Variants in IPO5 observed in about 807,000 individuals in gnomAD.
IPO5 encodes the protein importin 5.
A neutral mutation model predicts 143.3 loss-of-function variants in IPO5; 18 were observed. The ratio of observed to expected loss-of-function variants is 0.13; its 90% confidence interval spans 0.09 to 0.19. The LOEUF (loss-of-function observed/expected upper bound fraction) is 0.19, where lower values mean the gene tolerates loss of function less well. Ranked by LOEUF, IPO5 falls within the 10% of genes least tolerant of loss-of-function variation. IPO5 has a pLI of 1.00. For synonymous variants in IPO5, 477 were observed against 465.7 expected, an observed-to-expected ratio of 1.02 and a Z score of -0.31; for missense variants, 1,013 against 1,336.9, an observed-to-expected ratio of 0.76 and a Z score of 3.78.
Position 98,021,751 on chromosome 13 carries a change from T to A in IPO5, c.3223T>A (p.Trp1075Arg). 1 of 1,569,536 alleles carries A rather than the reference T, an allele frequency of 6.4e-7. No individual in the cohort carries two copies. Among genetic ancestry groups the A allele is most frequent in the Non-Finnish European group, 8.7e-7 (1 of 1,147,696 alleles). The change falls in exon 29 of 29, where the codon TGG becomes AGG. Residue 1075 changes from tryptophan (W) to arginine (R), a missense_variant. By Grantham distance (101) the Trp-to-Arg change is moderately radical (BLOSUM62 -3). This residue lies in a region of IPO5 where 685 missense variants were observed against 994.9 expected (regional missense o/e 0.69). Transcript: ENST00000651721. ...CTTTCCCTAGACTTCTGGAGGACTG[T>A]GGACTGAGTGCATAGCACAGCTCAG... Reference protein sequence around the residue: ...VRQVQTSGGLWTECIAQLSPE... With the variant: ...VRQVQTSGGLRTECIAQLSPE...
chr13:97,975,803 C>G (rs1193852798), intron 3 of IPO5: 1 of 338,060 alleles, frequency 3.0e-6, no homozygotes, highest in Admixed American at 6.5e-5. Context: ...GGCATGTTTG[C>G]TACGTGTACA....
intron 18 of IPO5, among the ~76,000 whole-genome samples, chr13:98,008,612 C>T (rs542414621): frequency 6.6e-6 from 1 of 152,274 alleles, no homozygotes; most frequent in East Asian, 1.9e-4. Flanking sequence ...TCTCCGCCAA[C>T]GAACAGACAA....
chr13:98,007,742 C>A (rs145481343), intron 17 of IPO5, among the ~76,000 whole-genome samples: 13 of 152,312 alleles, frequency 8.5e-5, no homozygotes, highest in African/African-American at 3.1e-4. Context: ...GCAGTGAATT[C>A]TATAAACAAT....
rs11551261 is a variant in IPO5, at chr13:98,018,693, C to T, written c.2825C>T (p.Pro942Leu). The T allele has an allele frequency of 2.5e-6, 4 of 1,613,326 alleles. No individual in the cohort carries two copies. In the African/African-American group the frequency reaches 4.0e-5, roughly 16 times the overall value. ...MAQYGGDNYR[P>L]FCTEALPLLV... The stretch of plus-strand genomic sequence containing the variant: ...CAGTACGGTGGAGATAATTATCGCC[C>T]TTTTTGTACAGGTACGTTTGCTTAT... The change falls in exon 26 of 29, where the codon CCT becomes CTT. Residue 942 changes from proline to leucine, a missense_variant. Physicochemically the swap from Pro to Leu is moderately conservative, Grantham distance 98. Coordinates refer to ENST00000651721, the MANE Select transcript of IPO5 (RefSeq NM_002271.6).
chr13:97,979,530 GAATA>G (rs1240563050), intron 4 of IPO5, among the ~76,000 whole-genome samples: 3 of 152,282 alleles, frequency 2.0e-5, no homozygotes, highest in South Asian at 2.1e-4. Context: ...ATAAACCATT[GAATA>G]AATAGTTGAC....
At chr13:97,993,289 A>G (rs1887953538) in intron 11 of IPO5, 64 bp downstream of exon 11, 6 of 1,384,400 alleles carry the variant, frequency 4.3e-6, no homozygotes, top group Non-Finnish European at 6.1e-6. Flanking sequence ...AAATTTGCTG[A>G]GGGTTGTGTG....
Position 98,019,658 on chromosome 13 carries a change from T to G in IPO5, c.2914T>G (p.Cys972Gly). 6.2e-7 allele frequency: 1 copy of G among 1,614,162 alleles called. No individual in the cohort carries two copies. The highest frequency in any genetic ancestry group is 8.5e-7 in the Non-Finnish European group (1 of 1,179,974). The part of the protein sequence containing the change: ...TKENVNATEN[C>G]ISAVGKIMKF... ...AGAAAATGTCAATGCTACAGAGAAC[T>G]GCATCTCAGCAGTAGGGAAAATCAT... is the stretch of plus-strand genomic sequence containing the variant. The change falls in exon 27 of 29, where the codon TGC becomes GGC. Residue 972 changes from cysteine (C) to glycine (G), a missense_variant. By Grantham distance (159) the Cys-to-Gly change is radical (BLOSUM62 -3). This residue lies in a region of IPO5 where 685 missense variants were observed against 994.9 expected (regional missense o/e 0.69). Coordinates refer to ENST00000651721, the MANE Select transcript of IPO5 (RefSeq NM_002271.6).
At chr13:97,996,751 C>T (rs142264847) in intron 11 of IPO5, among the ~76,000 whole-genome samples, 2,295 of 152,136 alleles carry the variant, frequency 0.015, 57 homozygotes, top group African/African-American at 0.053. Flanking sequence ...TACAGGTGCT[C>T]GCCACCACAC....
chr13:98,006,742 A>G (rs1889290243), intron 17 of IPO5, among the ~76,000 whole-genome samples: 1 of 151,002 alleles, frequency 6.6e-6, no homozygotes. Context: ...TACTAGAGGG[A>G]TTTTTTCCTT....
At chr13:98,010,077 G>T (rs1471016032) in intron 19 of IPO5, 26 bp from the exon 20 acceptor site, 2 of 1,613,380 alleles carry the variant, frequency 1.2e-6, no homozygotes, top group South Asian at 2.2e-5. Flanking sequence ...TTTTTCATAT[G>T]CATTTGTTTT....
intron 4 of IPO5, among the ~76,000 whole-genome samples, chr13:97,979,681 ACT>A (rs1281891996): frequency 1.3e-5 from 2 of 152,080 alleles, no homozygotes; most frequent in East Asian, 3.9e-4. Context: ...TTCCTCATTG[ACT>A]CTAATAGAGA....
chr13:97,962,116 G>A (rs1341507288), intron 2 of IPO5, among the ~76,000 whole-genome samples: 5 of 152,146 alleles, frequency 3.3e-5, no homozygotes, highest in East Asian at 1.9e-4. Context: ...GTGACAGAGT[G>A]AGACTTTGTC....
chr13:97,990,262 A>C, intron 8 of IPO5, 40 bp downstream of exon 8: 1 of 1,423,274 alleles, frequency 7.0e-7, no homozygotes, highest in Non-Finnish European at 9.8e-7. Context: ...CATCTATTTT[A>C]ATCTAATTTG....
chr13:97,979,706 GT>G (rs1260406798), intron 4 of IPO5, among the ~76,000 whole-genome samples: 4 of 152,154 alleles, frequency 2.6e-5, no homozygotes, highest in Non-Finnish European at 5.9e-5. Flanking sequence ...TTCATTGAGT[GT>G]TTTTTGTAGA....
intron 2 of IPO5, among the ~76,000 whole-genome samples, chr13:97,964,422 T>C (rs563032963): frequency 3.3e-5 from 5 of 151,746 alleles, no homozygotes; most frequent in Admixed American, 1.3e-4. Flanking sequence ...GACTAGCCAG[T>C]TTTCCCAGCA....
At chr13:98,010,364 T>G in intron 20 of IPO5, 140 bp downstream of exon 20, 1 of 793,750 alleles carries the variant, frequency 1.3e-6, no homozygotes, top group Non-Finnish European at 1.9e-6. Context: ...CTTTCCATTT[T>G]AAAGAAATCG....
In IPO5 at chr13:98,002,705, G is replaced by A. The variant is rs1174849718; in HGVS notation, c.1255G>A (p.Ala419Thr). Residue 419 changes from alanine (A) to threonine (T), a missense_variant, in exon 15 of 29, where the codon GCC becomes ACC. Ala to Thr is a moderately conservative substitution (Grantham distance 58). Transcript: ENST00000651721. The part of the protein sequence containing the change: ...QDPHPRVRYA[A>T]CNAVGQMATD... ...CCAGCATCCAAGAGTAAGGTATGCAGCCTGTAATGCCGTGGGACAGATGGC... is the reference window on the plus strand; with the variant it reads ...CCAGCATCCAAGAGTAAGGTATGCAACCTGTAATGCCGTGGGACAGATGGC... The A allele has an allele frequency of 2.5e-6, 4 of 1,611,840 alleles. No homozygotes were observed. The highest frequency in any genetic ancestry group is 3.4e-6 in the Non-Finnish European group (4 of 1,179,188).
chr13:97,982,423 C>T (rs1165641329), intron 4 of IPO5, 80 bp from the exon 5 acceptor site: 2 of 893,680 alleles, frequency 2.2e-6, no homozygotes, highest in East Asian at 4.9e-5. Context: ...ATGCATCCTT[C>T]CCACTGTTTA....
In IPO5 at chr13:98,021,745, G is replaced by A. The variant is rs1337251364; in HGVS notation, c.3217G>A (p.Gly1073Arg). Reference protein sequence around the residue: ...NVVRQVQTSGGLWTECIAQLS... With the variant: ...NVVRQVQTSGRLWTECIAQLS... ...ATGTTTCTTTCCCTAGACTTCTGGA[G>A]GACTGTGGACTGAGTGCATAGCACA... The change falls in exon 29 of 29, where the codon GGA becomes AGA. Residue 1073 changes from glycine (G) to arginine (R), a missense_variant. Physicochemically the swap from Gly to Arg is moderately radical, Grantham distance 125 (BLOSUM62 -2). Around this residue, in one of 2 missense-constraint regions of IPO5, gnomAD observed 685 missense variants for 994.9 expected, o/e 0.69. Transcript: ENST00000651721. 6.5e-7 allele frequency: 1 copy of A among 1,548,258 alleles called. No homozygotes were observed. Among genetic ancestry groups the A allele is most frequent in the Non-Finnish European group, 8.8e-7 (1 of 1,134,574 alleles).
Sources: allele counts gnomAD v4.1 joint callset (sites outside exome capture counted in the v4.1 genomes callset), GRCh38; gene constraint gnomAD v4.1.1; regional missense constraint gnomAD v4.1.1; transcripts MANE v1.5; gene names NCBI Gene and HGNC (gene_info 2026-07-23, HGNC 2026-07-21).